The following EYS variants were observed in gnomAD, a reference collection of about 807,000 sequenced individuals.
EYS encodes the protein protein eyes shut homolog.
A neutral mutation model predicts 282.1 loss-of-function variants in EYS; 250 were observed. The observed-to-expected ratio is 0.89, with a 90% confidence interval of 0.80 to 0.98. The LOEUF (loss-of-function observed/expected upper bound fraction) is 0.98, where lower values mean the gene tolerates loss of function less well. Among genes scored for constraint, EYS ranks in the 50% least tolerant of loss-of-function variants. The probability of loss-of-function intolerance (pLI) is 0.00; values close to 1 mark genes in which losing one functional copy is unlikely to be tolerated. For missense variants in EYS, 4,016 were observed against 3,709.0 expected, an observed-to-expected ratio of 1.08 and a Z score of -2.15; for synonymous variants, 1,355 against 1,282.9, an observed-to-expected ratio of 1.06 and a Z score of -1.20.
intron 11 of EYS, among the ~76,000 whole-genome samples, chr6:65,333,619 T>C (rs957572839): frequency 4.2e-4 from 63 of 151,740 alleles, no homozygotes; most frequent in African/African-American, 1.5e-3. Flanking sequence ...ATATCTGCTA[T>C]TGAAAGTAGA....
chr6:64,833,937 G>A (rs1035568299), intron 19 of EYS, among the ~76,000 whole-genome samples: 1 of 151,880 alleles, frequency 6.6e-6, no homozygotes, highest in Non-Finnish European at 1.5e-5. Context: ...CAAGTAACTG[G>A]AGATCAATGA....
chr6:65,234,788 A>G (rs1348593110), intron 12 of EYS, among the ~76,000 whole-genome samples: 1 of 152,228 alleles, frequency 6.6e-6, no homozygotes, highest in East Asian at 1.9e-4. Context: ...TCTGTGAGAT[A>G]TGTTGATGCC....
intron 14 of EYS, among the ~76,000 whole-genome samples, chr6:64,972,455 C>T (rs1770327921): frequency 1.3e-5 from 2 of 152,064 alleles, no homozygotes; most frequent in African/African-American, 4.8e-5. Context: ...ACCTCTGCGA[C>T]TCCTGAGACA....
intron 2 of EYS, among the ~76,000 whole-genome samples, chr6:65,634,557 A>C (rs910649720): frequency 1.3e-5 from 2 of 152,222 alleles, no homozygotes. Context: ...CCAGTCATCT[A>C]TTCAGCTAGC....
intron 31 of EYS, among the ~76,000 whole-genome samples, chr6:64,131,087 T>C (rs929929244): frequency 7.7e-5 from 11 of 142,472 alleles, no homozygotes; most frequent in Admixed American, 4.2e-4. Context: ...AGGCTGGTCT[T>C]GAACTCTTGA....
chr6:64,805,032 TATA>T, intron 22 of EYS, among the ~76,000 whole-genome samples: 1 of 152,208 alleles, frequency 6.6e-6, no homozygotes, highest in East Asian at 1.9e-4. Context: ...AATTAAGTTA[TATA>T]ATAATTAGAT....
chr6:63,982,450 T>C (rs960271675), intron 35 of EYS, among the ~76,000 whole-genome samples: 2 of 151,766 alleles, frequency 1.3e-5, no homozygotes, highest in Non-Finnish European at 2.9e-5. Context: ...TTCTTTGCAG[T>C]TGTAAGAATG....
chr6:64,684,944 T>A (rs866377187), intron 22 of EYS, among the ~76,000 whole-genome samples: 2 of 152,166 alleles, frequency 1.3e-5, no homozygotes, highest in Admixed American at 6.5e-5. Flanking sequence ...ATAATTGTTA[T>A]AATAAATTAA....
chr6:64,565,894 C>T (rs1013851472), intron 26 of EYS, among the ~76,000 whole-genome samples: 3 of 146,294 alleles, frequency 2.1e-5, no homozygotes, highest in Non-Finnish European at 3.0e-5. Flanking sequence ...AGATACAATA[C>T]AATTCTTTAA....
At chr6:64,395,330 C>T (rs1444803124) in intron 28 of EYS, among the ~76,000 whole-genome samples, 1 of 152,240 alleles carries the variant, frequency 6.6e-6, no homozygotes, top group South Asian at 2.1e-4. Flanking sequence ...GACGCATGCA[C>T]ACGTATGTTT....
intron 37 of EYS, among the ~76,000 whole-genome samples, chr6:63,800,905 GC>G (rs1186254936): frequency 3.3e-5 from 5 of 152,238 alleles, no homozygotes; most frequent in Admixed American, 2.6e-4. Flanking sequence ...TGCCTATGAA[GC>G]ATGGGTGGCT....
At chr6:63,732,158 T>A (rs1353679099) in intron 41 of EYS, among the ~76,000 whole-genome samples, 1 of 151,828 alleles carries the variant, frequency 6.6e-6, no homozygotes, top group Non-Finnish European at 1.5e-5. Context: ...ACAGCTGACC[T>A]CCTAACTCGT....
intron 22 of EYS, among the ~76,000 whole-genome samples, chr6:64,716,915 C>T (rs908957223): frequency 2.0e-5 from 3 of 152,064 alleles, no homozygotes; most frequent in Non-Finnish European, 2.9e-5. Context: ...GAAAGTGAAT[C>T]GCCTGTAGCA....
At chr6:65,520,439 T>C (rs888077933) in intron 2 of EYS, among the ~76,000 whole-genome samples, 1 of 152,110 alleles carries the variant, frequency 6.6e-6, no homozygotes, top group Non-Finnish European at 1.5e-5. Flanking sequence ...TCTTGGGAAG[T>C]AGGCCTTGTG....
intron 22 of EYS, among the ~76,000 whole-genome samples, chr6:64,675,888 C>G (rs1054970939): frequency 1.3e-5 from 2 of 150,588 alleles, no homozygotes; most frequent in Admixed American, 6.6e-5. Context: ...TAATATGAAA[C>G]TTTTAGACAT....
chr6:64,219,852 T>C (rs1766043494), intron 31 of EYS, among the ~76,000 whole-genome samples: 1 of 152,102 alleles, frequency 6.6e-6, no homozygotes, highest in African/African-American at 2.4e-5. Context: ...TATGCAGCCA[T>C]AAAAAATGAT....
At chr6:63,827,384 A>T (rs1771498749) in intron 36 of EYS, among the ~76,000 whole-genome samples, 3 of 152,244 alleles carry the variant, frequency 2.0e-5, no homozygotes, top group Non-Finnish European at 4.4e-5. Context: ...AAAGTCAACA[A>T]ACAATGGATT....
At chr6:64,320,886 A>T (rs1770193577) in intron 29 of EYS, among the ~76,000 whole-genome samples, 1 of 152,002 alleles carries the variant, frequency 6.6e-6, no homozygotes, top group Admixed American at 6.6e-5. Flanking sequence ...CTTTTTAAAA[A>T]ATAAATTCTA....
At chr6:65,464,422 C>G (rs1195825336) in intron 5 of EYS, among the ~76,000 whole-genome samples, 1 of 152,150 alleles carries the variant, frequency 6.6e-6, no homozygotes, top group Non-Finnish European at 1.5e-5. Flanking sequence ...GATAAGATAT[C>G]TCCCAAATTA....
Sources: allele counts gnomAD v4.1 joint callset (sites outside exome capture counted in the v4.1 genomes callset), GRCh38; gene constraint gnomAD v4.1.1; transcripts MANE v1.5; gene names NCBI Gene and HGNC (gene_info 2026-07-23, HGNC 2026-07-21).